Variants in SRRM3 observed in about 807,000 individuals in gnomAD.
The protein encoded by SRRM3 is serine/arginine repetitive matrix 3.
In SRRM3, 27 loss-of-function variants were observed where a neutral mutation model predicts 66.2. The observed-to-expected ratio is 0.41, with a 90% CI of 0.30 to 0.56. The LOEUF (loss-of-function observed/expected upper bound fraction) is 0.56. SRRM3 is among the 20% of genes least tolerant of loss of function. The probability of loss-of-function intolerance (pLI) is 0.32; values close to 1 mark genes in which losing one functional copy is unlikely to be tolerated. For missense variants in SRRM3, 918 were observed against 991.9 expected (o/e 0.93, Z 1.00); for synonymous variants, 391 against 414.9 (o/e 0.94, Z 0.70).
chr7:76,209,808 G>A (rs1554601547), intron 1 of SRRM3, among the ~76,000 whole-genome samples: 1 of 152,054 alleles, frequency 6.6e-6, no homozygotes, highest in Admixed American at 6.6e-5. Context: ...GTTTTGCTAT[G>A]TTGCCCAGGC....
intron 11 of SRRM3, among the ~76,000 whole-genome samples, chr7:76,275,551 C>T (rs1405181012): frequency 8.7e-5 from 13 of 149,688 alleles, no homozygotes; most frequent in Non-Finnish European, 1.8e-4. Context: ...GGTGATCTGA[C>T]AGGAGAAACT....
rs1224306963 is a variant in SRRM3, at chr7:76,282,767, G to C, written c.1490G>C (p.Arg497Pro). Residue 497 changes from arginine to proline, a missense_variant, in exon 13 of 15, where the codon CGC (arginine) becomes CCC (proline). By Grantham distance (103) the Arg-to-Pro change is moderately radical. Transcript: ENST00000611745. ...TCGCGCAGCCCCGGCCCGCACCCCCGCTCCTGGAGCTCCAGCCGCTCGCCC... is the reference window on the plus strand; with the variant it reads ...TCGCGCAGCCCCGGCCCGCACCCCCCCTCCTGGAGCTCCAGCCGCTCGCCC... ...SSSRSPGPHPRSWSSSRSPSK... is the reference protein window; with the variant it reads ...SSSRSPGPHPPSWSSSRSPSK... 6.8e-7 allele frequency: 1 copy of C among 1,464,768 alleles called. No individual in the cohort carries two copies. Among genetic ancestry groups the C allele is most frequent in the Non-Finnish European group, 9.0e-7 (1 of 1,114,164 alleles). 90.7% of individuals were successfully genotyped at this position (1,464,768 alleles called of 1,614,324 possible). A position where few individuals can be genotyped will look rare whatever the true frequency, so the allele number is the denominator to read the frequency against.
intron 1 of SRRM3, among the ~76,000 whole-genome samples, chr7:76,208,191 G>T (rs1389674049): frequency 2.0e-5 from 3 of 152,144 alleles, no homozygotes; most frequent in African/African-American, 7.2e-5. Flanking sequence ...TTAGGGGGCG[G>T]TGAGGGCTTG....
chr7:76,282,901 G>T (rs1007320772), intron 13 of SRRM3, 29 bp downstream of exon 13: 51 of 1,313,928 alleles, frequency 3.9e-5, no homozygotes, highest in Middle Eastern at 2.9e-4. Flanking sequence ...CGGGCCGACG[G>T]GGCGGGCGGC....
intron 3 of SRRM3, among the ~76,000 whole-genome samples, chr7:76,256,859 G>A (rs560290727): frequency 1.8e-4 from 27 of 151,844 alleles, no homozygotes; most frequent in African/African-American, 6.0e-4. Flanking sequence ...ACAGGTGTGC[G>A]CCACCACGCC....
intron 11 of SRRM3, chr7:76,273,150 T>G (rs923691186): frequency 6.6e-6 from 1 of 152,332 alleles, no homozygotes; most frequent in African/African-American, 2.4e-5. Context: ...TCTCCTTCTC[T>G]TCCCATTTCT....
At chr7:76,254,338 G>T (rs1801653425) in intron 3 of SRRM3, among the ~76,000 whole-genome samples, 1 of 151,994 alleles carries the variant, frequency 6.6e-6, no homozygotes, top group African/African-American at 2.4e-5. Context: ...GCTGTTTTGA[G>T]ATGGAGTTTC....
intron 1 of SRRM3, among the ~76,000 whole-genome samples, chr7:76,217,992 C>A (rs1243193919): frequency 2.6e-5 from 4 of 152,158 alleles, no homozygotes; most frequent in African/African-American, 9.7e-5. Context: ...CCAAGCCCTG[C>A]CAGTATCCAG....
At chr7:76,284,131 C>T (rs1802599984) in intron 14 of SRRM3, among the ~76,000 whole-genome samples, 1 of 151,896 alleles carries the variant, frequency 6.6e-6, no homozygotes, top group African/African-American at 2.4e-5. Context: ...GAGCTCAAAG[C>T]CAGACCGCCT....
intron 11 of SRRM3, among the ~76,000 whole-genome samples, chr7:76,276,667 G>A (rs931452400): frequency 2.6e-5 from 4 of 152,266 alleles, no homozygotes; most frequent in Admixed American, 6.5e-5. Flanking sequence ...ATCCCATAGT[G>A]CTTGGCCTTG....
intron 14 of SRRM3, among the ~76,000 whole-genome samples, chr7:76,284,966 G>T (rs1802618925): frequency 6.6e-6 from 1 of 152,188 alleles, no homozygotes; most frequent in Non-Finnish European, 1.5e-5. Context: ...TTGCAGAGGG[G>T]ACAGGGGAAC....
intron 11 of SRRM3, among the ~76,000 whole-genome samples, chr7:76,270,405 G>A (rs1261924841): frequency 6.6e-6 from 1 of 152,188 alleles, no homozygotes; most frequent in Non-Finnish European, 1.5e-5. Flanking sequence ...GCTGGGCACA[G>A]TGGCTCACAC....
chr7:76,261,521 A>T (rs1554608767), intron 7 of SRRM3, 25 bp from the exon 8 acceptor site: 1 of 1,610,366 alleles, frequency 6.2e-7, no homozygotes, highest in Non-Finnish European at 8.5e-7. Flanking sequence ...GGCAGGCTCA[A>T]GAGAACTCCT....
chr7:76,205,039 C>T (rs1800260765), intron 1 of SRRM3, among the ~76,000 whole-genome samples: 1 of 152,128 alleles, frequency 6.6e-6, no homozygotes, highest in South Asian at 2.1e-4. Flanking sequence ...AACCCTCCCC[C>T]ATCTCTGATC....
chr7:76,257,585 A>G (rs1022648213), intron 3 of SRRM3, among the ~76,000 whole-genome samples: 4 of 152,024 alleles, frequency 2.6e-5, no homozygotes, highest in African/African-American at 9.6e-5. Context: ...CCTGGGCAAC[A>G]TAGTGAGACC....
At chr7:76,206,738 A>G (rs569981457) in intron 1 of SRRM3, among the ~76,000 whole-genome samples, 1 of 151,644 alleles carries the variant, frequency 6.6e-6, no homozygotes, top group South Asian at 2.1e-4. Flanking sequence ...CCCCCCAAGG[A>G]CTCCTTCAGA....
At chr7:76,253,403 T>G (rs1418969697) in intron 3 of SRRM3, among the ~76,000 whole-genome samples, 4 of 150,020 alleles carry the variant, frequency 2.7e-5, no homozygotes, top group African/African-American at 9.8e-5. Flanking sequence ...AGGTGGATCA[T>G]GAGGTCAGGA....
At position 76,274,336 on chromosome 7, in the gene SRRM3, C is replaced by T. The variant is rs571328106; in HGVS notation, c.1008+6901C>T. ...GAGCTGCAGGGCTCTGGAGGAGCAACGGGCACCAGGACTGAGCTTCCAGCT... is the reference window on the plus strand; with the variant it reads ...GAGCTGCAGGGCTCTGGAGGAGCAATGGGCACCAGGACTGAGCTTCCAGCT... On this transcript the variant is annotated intron_variant, in intron 11 of 14. Transcript: ENST00000611745. Among the ~76,000 whole-genome samples the T allele has an allele frequency of 4.7e-4, 72 of 152,312 alleles. 1 individual carries two copies. Among genetic ancestry groups the T allele is most frequent in the African/African-American group, 1.7e-3 (69 of 41,568 alleles).
chr7:76,286,980 C>T lies in SRRM3; in HGVS notation c.*1137C>T, dbSNP rs1802695921. 6.5e-6 allele frequency: 1 copy of T among 152,740 alleles called. No homozygotes were observed. Among genetic ancestry groups the T allele is most frequent in the Admixed American group, 6.5e-5 (1 of 15,276 alleles). The allele number at this position is 152,740 out of a possible 1,614,324, so 9.5% of individuals were successfully genotyped here. A position where few individuals can be genotyped will look rare whatever the true frequency, so the allele number is the denominator to read the frequency against. On this transcript the variant is annotated 3_prime_UTR_variant, in exon 15 of 15. Coordinates refer to ENST00000611745, the MANE Select transcript of SRRM3 (RefSeq NM_001110199.3). ...TCTGATGGGGTCATGGCCAGCCGAG[C>T]CTCTGTAGAGATGGAGGCTACAGCC...
Sources: allele counts gnomAD v4.1 joint callset (sites outside exome capture counted in the v4.1 genomes callset), GRCh38; gene constraint gnomAD v4.1.1; transcripts MANE v1.5; gene names NCBI Gene and HGNC (gene_info 2026-07-23, HGNC 2026-07-21).